The following CMSS1 variants were observed in gnomAD, a reference collection of about 807,000 sequenced individuals.
CMSS1 encodes the protein protein CMSS1.
In CMSS1, 33 loss-of-function variants were observed where a neutral mutation model predicts 43.5. That is an observed-to-expected ratio of 0.76 (90% CI 0.57 to 1.01). The LOEUF is 1.01. CMSS1 is among the 50% of genes least tolerant of loss of function. The pLI is 0.00. For synonymous variants in CMSS1, 115 were observed against 117.2 expected (o/e 0.98, Z 0.12); for missense variants, 313 against 326.4 (o/e 0.96, Z 0.32).
intron 1 of CMSS1, among the ~76,000 whole-genome samples, chr3:99,866,150 T>G (rs1027440455): frequency 6.6e-6 from 1 of 152,080 alleles, no homozygotes; most frequent in Non-Finnish European, 1.5e-5. Flanking sequence ...AGCAAAAAGT[T>G]AAAACTTTTT....
At chr3:99,824,841 T>G (rs1942507829) in intron 1 of CMSS1, among the ~76,000 whole-genome samples, 1 of 152,266 alleles carries the variant, frequency 6.6e-6, no homozygotes, top group African/African-American at 2.4e-5. Flanking sequence ...TTTTGTCACC[T>G]AGAATCAATG....
intron 1 of CMSS1, among the ~76,000 whole-genome samples, chr3:100,068,831 T>G (rs757727063): frequency 6.6e-6 from 1 of 152,220 alleles, no homozygotes; most frequent in Non-Finnish European, 1.5e-5. Flanking sequence ...TTTCACCATG[T>G]TGGCCAGGCT....
chr3:99,943,957 A>T (rs1189641080), intron 1 of CMSS1, among the ~76,000 whole-genome samples: 1 of 152,214 alleles, frequency 6.6e-6, no homozygotes, highest in Non-Finnish European at 1.5e-5. Context: ...CACATACAAG[A>T]TGCTGTGCCT....
intron 1 of CMSS1, among the ~76,000 whole-genome samples, chr3:99,864,419 G>T (rs1168248027): frequency 6.6e-6 from 1 of 152,056 alleles, no homozygotes; most frequent in Admixed American, 6.6e-5. Context: ...TTCTCATTTT[G>T]CAGATGGAGG....
intron 1 of CMSS1, chr3:100,010,067 T>C (rs1185593110): frequency 3.0e-6 from 1 of 338,638 alleles, no homozygotes; most frequent in Non-Finnish European, 4.2e-6. Flanking sequence ...TACAGACTAG[T>C]ATATTGAGGG....
Position 99,882,692 on chromosome 3 carries a change from G to A in CMSS1, c.64+64649G>A, listed in dbSNP as rs144240340. Among the ~76,000 whole-genome samples the A allele has an allele frequency of 6.7e-3, 1,025 of 152,208 alleles. 3 individuals are homozygous for A. The highest frequency in any genetic ancestry group is 8.5e-3 in the African/African-American group (355 of 41,540). On this transcript the variant is annotated intron_variant, in intron 1 of 9. Coordinates refer to ENST00000421999, the MANE Select transcript of CMSS1 (RefSeq NM_032359.4). ...GTCACTGTGTTTTCTGGGACTGAATGTTTCTTTTGGGAAACATGAAAAAAT... is the reference window on the plus strand; with the variant it reads ...GTCACTGTGTTTTCTGGGACTGAATATTTCTTTTGGGAAACATGAAAAAAT...
At chr3:100,002,896 T>C (rs1226917067) in intron 1 of CMSS1, among the ~76,000 whole-genome samples, 1 of 152,144 alleles carries the variant, frequency 6.6e-6, no homozygotes, top group Non-Finnish European at 1.5e-5. Context: ...CTCTGATGAG[T>C]ATGTGTATGT....
At chr3:99,993,765 A>T (rs1021149656) in intron 1 of CMSS1, among the ~76,000 whole-genome samples, 1 of 152,160 alleles carries the variant, frequency 6.6e-6, no homozygotes, top group African/African-American at 2.4e-5. Context: ...TGTTGATGTG[A>T]CATATCATGT....
At chr3:99,946,706 C>T (rs981890781) in intron 1 of CMSS1, among the ~76,000 whole-genome samples, 2 of 152,140 alleles carry the variant, frequency 1.3e-5, no homozygotes, top group African/African-American at 4.8e-5. Flanking sequence ...TGTAGTTTAA[C>T]GTGGTGGTGG....
intron 1 of CMSS1, among the ~76,000 whole-genome samples, chr3:100,119,254 TATGAATTATAAAGGAAAA>T (rs2066600614): frequency 6.6e-6 from 1 of 152,236 alleles, no homozygotes; most frequent in Admixed American, 6.5e-5. Context: ...ATTTTGTTTC[TATGAATTATAAAGGAAAA>T]ATGAATTCTT....
intron 1 of CMSS1, among the ~76,000 whole-genome samples, chr3:100,135,437 C>CGT (rs1559767923): frequency 4.3e-4 from 26 of 60,184 alleles, no homozygotes; most frequent in South Asian, 1.2e-3. Context: ...TGTGTGTGTG[C>CGT]ATGTGTGTGT....
At chr3:99,898,363 T>C (rs973670609) in intron 1 of CMSS1, 3 of 152,210 alleles carry the variant, frequency 2.0e-5, no homozygotes, top group Non-Finnish European at 4.4e-5. Context: ...AACTTCATCT[T>C]TTCATTCCAT....
At chr3:99,953,578 A>C (rs1420951326) in intron 1 of CMSS1, among the ~76,000 whole-genome samples, 1 of 152,224 alleles carries the variant, frequency 6.6e-6, no homozygotes, top group East Asian at 1.9e-4. Flanking sequence ...GCATTTTTAA[A>C]GAATTCAATA....
intron 1 of CMSS1, among the ~76,000 whole-genome samples, chr3:100,010,777 G>GA (rs1710127654): frequency 1.4e-5 from 1 of 73,348 alleles, no homozygotes; most frequent in African/African-American, 5.6e-5. Context: ...TCCACGCCCG[G>GA]ATTTTTTTTT....
intron 1 of CMSS1, among the ~76,000 whole-genome samples, chr3:100,085,891 T>A (rs1179478819): frequency 6.6e-6 from 1 of 152,194 alleles, no homozygotes; most frequent in African/African-American, 2.4e-5. Context: ...TACTCCCAAG[T>A]TGCATTTTAA....
At chr3:100,124,777 T>A (rs1047582197) in intron 1 of CMSS1, among the ~76,000 whole-genome samples, 2 of 152,200 alleles carry the variant, frequency 1.3e-5, no homozygotes, top group African/African-American at 4.8e-5. Context: ...GGACAGGACC[T>A]GGCACTATAT....
At chr3:100,034,089 AAAG>A (rs2107268595) in intron 1 of CMSS1, among the ~76,000 whole-genome samples, 1 of 152,348 alleles carries the variant, frequency 6.6e-6, no homozygotes, top group South Asian at 2.1e-4. Flanking sequence ...ACACTTAAGA[AAAG>A]AAGTAATTTG....
intron 1 of CMSS1, among the ~76,000 whole-genome samples, chr3:100,045,287 G>C (rs1472265691): frequency 1.3e-5 from 2 of 152,200 alleles, no homozygotes; most frequent in Non-Finnish European, 2.9e-5. Context: ...CTAGCTCATA[G>C]TAAGCACTCA....
intron 1 of CMSS1, among the ~76,000 whole-genome samples, chr3:100,105,586 G>GTC (rs1394056168): frequency 1.3e-5 from 2 of 152,166 alleles, no homozygotes. Context: ...TACCCTTTAA[G>GTC]CAGAATTGAT....
Sources: allele counts gnomAD v4.1 joint callset (sites outside exome capture counted in the v4.1 genomes callset), GRCh38; gene constraint gnomAD v4.1.1; transcripts MANE v1.5; gene names NCBI Gene and HGNC (gene_info 2026-07-23, HGNC 2026-07-21).